CYP26B1: variants seen among roughly 807,000 people sequenced by gnomAD.
CYP26B1 encodes the protein cytochrome P450 family 26 subfamily B member 1.
In CYP26B1, 8 loss-of-function variants were observed where a neutral mutation model predicts 39.1. That is an observed-to-expected ratio of 0.20 (90% CI 0.12 to 0.37). The LOEUF is 0.37. Among genes scored for constraint, CYP26B1 ranks in the 10% least tolerant of loss-of-function variants. The pLI is 1.00. For synonymous variants in CYP26B1, 321 were observed against 314.3 expected (o/e 1.02, Z -0.23); for missense variants, 615 against 707.0 (o/e 0.87, Z 1.48).
At chr2:72,135,488 C>T in intron 2 of CYP26B1, 69 bp from the exon 3 acceptor site, 17 of 1,589,398 alleles carry the variant, frequency 1.1e-5, no homozygotes, top group Non-Finnish European at 1.3e-5. Flanking sequence ...CCTCACTCTG[C>T]CTGAACAATG....
At chr2:72,140,662 G>C (rs568252937) in intron 2 of CYP26B1, among the ~76,000 whole-genome samples, 3 of 152,214 alleles carry the variant, frequency 2.0e-5, no homozygotes, top group Non-Finnish European at 2.9e-5. Flanking sequence ...CCGTCCTCCT[G>C]CTGAGGCACC....
intron 2 of CYP26B1, 147 bp downstream of exon 2, chr2:72,143,842 G>T: frequency 5.0e-6 from 5 of 993,078 alleles, no homozygotes; most frequent in East Asian, 2.6e-5. Flanking sequence ...CGGACTCGAG[G>T]CCTTGTCGGC....
chr2:72,138,517 C>T lies in CYP26B1; in HGVS notation c.430-3098G>A, dbSNP rs924148012. 9.2e-5 allele frequency among the ~76,000 whole-genome samples: 14 copies of T among 152,308 alleles called. No individual in the cohort carries two copies. In the South Asian group the frequency reaches 2.3e-3, roughly 25 times the overall value. On this transcript the variant is annotated intron_variant, in intron 2 of 5. Transcript: ENST00000001146. The stretch of plus-strand genomic sequence containing the variant: ...CTGACCACAGGCATCGCAGGAGCCA[C>T]GACTGCTTTGTTTCCTTCTGGGGCT...
intron 2 of CYP26B1, among the ~76,000 whole-genome samples, chr2:72,141,764 A>G (rs1402476209): frequency 2.6e-5 from 4 of 152,230 alleles, no homozygotes; most frequent in Admixed American, 6.5e-5. Context: ...GCTAGATTCT[A>G]CCTACCTAGT....
intron 2 of CYP26B1, among the ~76,000 whole-genome samples, chr2:72,140,157 C>T (rs1676899861): frequency 6.6e-6 from 1 of 152,198 alleles, no homozygotes; most frequent in Non-Finnish European, 1.5e-5. Context: ...CAGCCTTGGA[C>T]CCCTCCCTGC....
intron 2 of CYP26B1, among the ~76,000 whole-genome samples, chr2:72,139,249 G>A (rs1316169530): frequency 6.6e-6 from 1 of 152,194 alleles, no homozygotes; most frequent in African/African-American, 2.4e-5. Flanking sequence ...CTGCAGAGTG[G>A]AAAGAATAAC....
Position 72,130,348 on chromosome 2 carries a change from T to C in CYP26B1, c.*1879A>G, listed in dbSNP as rs1676528659. 2 of 152,204 alleles carry C rather than the reference T, an allele frequency of 1.3e-5. No individual in the cohort carries two copies. Among genetic ancestry groups the C allele is most frequent in the African/African-American group, 4.8e-5 (2 of 41,436 alleles). The allele number at this position is 152,204 out of a possible 1,614,324, so 9.4% of individuals were successfully genotyped here. On this transcript the variant is annotated 3_prime_UTR_variant, in exon 6 of 6. Transcript: ENST00000001146. ...TGAGCAATTTTGCCAATAATGTCTATTCCACACTGTTTTTTAGTAGTGGAA... is the reference window on the plus strand; with the variant it reads ...TGAGCAATTTTGCCAATAATGTCTACTCCACACTGTTTTTTAGTAGTGGAA...
chr2:72,143,889 G>A, intron 2 of CYP26B1, 100 bp downstream of exon 2: 1 of 1,396,206 alleles, frequency 7.2e-7, no homozygotes, highest in Non-Finnish European at 1.0e-6. Context: ...GTGTGCAAAG[G>A]GGGGCACAGA....
At chr2:72,136,594 G>A (rs551291277) in intron 2 of CYP26B1, among the ~76,000 whole-genome samples, 13 of 152,354 alleles carry the variant, frequency 8.5e-5, no homozygotes, top group South Asian at 6.2e-4. Flanking sequence ...GGCCTGTACT[G>A]TTTGGGGCCG....
intron 2 of CYP26B1, 130 bp downstream of exon 2, chr2:72,143,859 C>T: frequency 8.8e-7 from 1 of 1,136,230 alleles, no homozygotes; most frequent in Non-Finnish European, 1.3e-6. Flanking sequence ...CGGCGGGGAA[C>T]TGCGGAGTCT....
Position 72,132,030 on chromosome 2 carries a change from G to A in CYP26B1, c.*197C>T, listed in dbSNP as rs2104030320. 1 of 634,554 alleles carries A rather than the reference G, an allele frequency of 1.6e-6. No individual in the cohort carries two copies. Among genetic ancestry groups the A allele is most frequent in the South Asian group, 2.0e-5 (1 of 50,994 alleles). The allele number at this position is 634,554 out of a possible 1,614,324, so 39.3% of individuals were successfully genotyped here. Reference sequence around the variant, plus strand: ...AATGGGGAGTGGCTGGAGGGAAGCTGGAGCCAGAAGGGGAGCCCAGCCCTA... The same window carrying A: ...AATGGGGAGTGGCTGGAGGGAAGCTAGAGCCAGAAGGGGAGCCCAGCCCTA... On this transcript the variant is annotated 3_prime_UTR_variant, in exon 6 of 6. Transcript: ENST00000001146.
chr2:72,142,826 C>A (rs1252539199), intron 2 of CYP26B1, among the ~76,000 whole-genome samples: 6 of 152,178 alleles, frequency 3.9e-5, no homozygotes, highest in Non-Finnish European at 5.9e-5. Flanking sequence ...TTTGGGAGCC[C>A]CTTTCCAGTT....
At chr2:72,144,287 C>T in intron 1 of CYP26B1, 74 bp from the exon 2 acceptor site, 1 of 1,546,152 alleles carries the variant, frequency 6.5e-7, no homozygotes, top group Non-Finnish European at 8.8e-7. Flanking sequence ...GCGGCGGACC[C>T]CAACCCGGGG....
rs1480902426 is a variant in CYP26B1 at position 72,147,583 on chromosome 2, C to A, written c.204+48G>T. ...GGCCCGCCGCTCCGTCTGCCCCGCG[C>A]TCGCAGCTAGCGGACCCCGGAGTGC... is the stretch of plus-strand genomic sequence containing the variant. On this transcript the variant is annotated intron_variant, in intron 1 of 5. Coordinates refer to ENST00000001146, the MANE Select transcript of CYP26B1 (RefSeq NM_019885.4). This position sits in a 1 kb window ranked among gnomAD's most constrained non-coding sequence, Gnocchi z 6.1. 1 of 1,551,946 alleles carries A rather than the reference C, an allele frequency of 6.4e-7. No individual in the cohort carries two copies. Among genetic ancestry groups the A allele is most frequent in the Non-Finnish European group, 8.7e-7 (1 of 1,151,810 alleles).
At chr2:72,134,718 C>T in intron 4 of CYP26B1, 43 bp downstream of exon 4, 1 of 1,588,286 alleles carries the variant, frequency 6.3e-7, no homozygotes, top group Non-Finnish European at 8.6e-7. Context: ...AGAATGGAGC[C>T]TGGGTGCTGG....
rs1004249752 is a variant in CYP26B1, at chr2:72,135,241, G to C, written c.608C>G (p.Pro203Arg). Residue 203 changes from proline (P) to arginine (R), a missense_variant, in exon 3 of 6, where the codon CCT becomes CGT. Physicochemically the swap from Pro to Arg is moderately radical, Grantham distance 103. Transcript: ENST00000001146. ...AAAGAGGTGCCCAAGGTCCTCCTCA[G>C]GGATGCTGAAGCCCAGCAGCACCCG... ...AIRVLLGFSIPEEDLGHLFEV... is the reference protein window; with the variant it reads ...AIRVLLGFSIREEDLGHLFEV... 1 of 1,614,076 alleles carries C rather than the reference G, an allele frequency of 6.2e-7. No individual in the cohort carries two copies. The highest frequency in any genetic ancestry group is 1.3e-5 in the African/African-American group (1 of 75,040).
chr2:72,132,917 C>T (rs1361094906), intron 5 of CYP26B1, 106 bp downstream of exon 5: 2 of 1,546,618 alleles, frequency 1.3e-6, no homozygotes, highest in Non-Finnish European at 1.8e-6. Flanking sequence ...AGCACTGTTT[C>T]CCCATCAGGC....
chr2:72,137,994 T>G (rs576589747), intron 2 of CYP26B1, among the ~76,000 whole-genome samples: 32 of 152,272 alleles, frequency 2.1e-4, no homozygotes, highest in African/African-American at 7.7e-4. Context: ...GTTTCCCCGC[T>G]GGGTTCATGA....
intron 2 of CYP26B1, among the ~76,000 whole-genome samples, chr2:72,139,198 G>A (rs112576932): frequency 6.6e-6 from 1 of 152,170 alleles, no homozygotes; most frequent in African/African-American, 2.4e-5. Context: ...GAGGGGTGGG[G>A]GCCTGGGCAG....
Sources: allele counts gnomAD v4.1 joint callset (sites outside exome capture counted in the v4.1 genomes callset), GRCh38; gene constraint gnomAD v4.1.1; non-coding constraint Gnocchi (gnomAD v3.1); transcripts MANE v1.5; gene names NCBI Gene and HGNC (gene_info 2026-07-23, HGNC 2026-07-21).